The following FBP2 variants were observed in gnomAD, a reference collection of about 807,000 sequenced individuals.
FBP2 encodes the protein fructose-1,6-bisphosphatase isozyme 2.
Under a neutral mutation model 31.6 loss-of-function variants are expected in FBP2, and 27 were observed. The ratio of observed to expected loss-of-function variants is 0.85; its 90% CI spans 0.63 to 1.18. FBP2 has a LOEUF of 1.18. Among genes scored for constraint, FBP2 ranks in the 50% most tolerant of loss-of-function variants. The pLI, the probability that FBP2 is intolerant of heterozygous loss-of-function variation, is 0.00. For synonymous variants in FBP2, 168 were observed against 179.8 expected (o/e 0.93, Z 0.53); for missense variants, 421 against 436.1 (o/e 0.97, Z 0.31).
At chr9:94,561,587 G>A (rs1042012607) in intron 6 of FBP2, among the ~76,000 whole-genome samples, 13 of 151,864 alleles carry the variant, frequency 8.6e-5, no homozygotes, top group South Asian at 4.1e-4. Context: ...GGATGGTCTC[G>A]ATCTTCTGAC....
intron 1 of FBP2, among the ~76,000 whole-genome samples, chr9:94,587,935 G>A (rs911138938): frequency 2.0e-5 from 3 of 152,096 alleles, no homozygotes; most frequent in Admixed American, 1.3e-4. Context: ...TGCAAGCTCC[G>A]CCTCCTGGGC....
In FBP2 at chr9:94,593,601, G is replaced by C. The variant is rs753736391; in HGVS notation, c.126C>G (p.Ile42Met). 6.2e-7 allele frequency: 1 copy of C among 1,614,184 alleles called. No homozygotes were observed. Among genetic ancestry groups the C allele is most frequent in the African/African-American group, 1.3e-5 (1 of 75,054 alleles). The part of the protein sequence containing the change: ...TQLLNSMLTA[I>M]KAISSAVRKA... ...TGCGCACAGCCGAGGAGATGGCTTTGATGGCCGTCAGCATTGAGTTCAGCA... is the reference window on the plus strand; with the variant it reads ...TGCGCACAGCCGAGGAGATGGCTTTCATGGCCGTCAGCATTGAGTTCAGCA... The change falls in exon 1 of 7, where the codon ATC (isoleucine) becomes ATG (methionine). Residue 42 changes from isoleucine (I) to methionine (M), a missense_variant. Ile to Met is a conservative substitution (Grantham distance 10). Coordinates refer to ENST00000375337, the MANE Select transcript of FBP2 (RefSeq NM_003837.4).
chr9:94,588,044 G>A (rs1447881745), intron 1 of FBP2, among the ~76,000 whole-genome samples: 3 of 151,888 alleles, frequency 2.0e-5, no homozygotes, highest in Admixed American at 2.0e-4. Context: ...GTAGAGACGG[G>A]GTTTCACCAT....
At position 94,590,429 on chromosome 9, in the gene FBP2, G is replaced by A. The variant is rs7866757; in HGVS notation, c.171-2960C>T. Among the ~76,000 whole-genome samples the A allele has an allele frequency of 7.6e-3, 1,057 of 139,556 alleles. 12 individuals are homozygous for A. Among genetic ancestry groups the A allele is most frequent in the African/African-American group, 0.028 (1,005 of 36,470 alleles). The allele number at this position is 139,556 out of a possible 152,430, so 91.6% of individuals were successfully genotyped here. A position where few individuals can be genotyped will look rare whatever the true frequency, so the allele number is the denominator to read the frequency against. On this transcript the variant is annotated intron_variant, in intron 1 of 6. Coordinates refer to ENST00000375337, the MANE Select transcript of FBP2 (RefSeq NM_003837.4). ...CTTGCTAGAAAGATCTCCCCAAAAG[G>A]AGCCAGGGGCTTGCGGTCCCCTGCC... is the stretch of plus-strand genomic sequence containing the variant.
intron 1 of FBP2, among the ~76,000 whole-genome samples, chr9:94,589,102 G>A (rs1412405174): frequency 1.3e-5 from 2 of 152,044 alleles, no homozygotes; most frequent in African/African-American, 2.4e-5. Flanking sequence ...TCTAGGTCCT[G>A]TTTATTGTCT....
Position 94,563,470 on chromosome 9 carries a change from C to T in FBP2, c.706-9G>A, listed in dbSNP as rs749106976. ...TAGGGAGCACTGCCATCCTAGAAGACAGAAAGCGAAGAGACAAGATCCAGT... is the reference window on the plus strand; with the variant it reads ...TAGGGAGCACTGCCATCCTAGAAGATAGAAAGCGAAGAGACAAGATCCAGT... On this transcript the variant is annotated splice_polypyrimidine_tract_variant and intron_variant, in intron 5 of 6. Transcript: ENST00000375337. 1 of 1,611,828 alleles carries T rather than the reference C, an allele frequency of 6.2e-7. No homozygotes were observed.
In FBP2 at chr9:94,571,485, C is replaced by G. The variant is rs775781859; in HGVS notation, c.544G>C (p.Val182Leu). Reference sequence around the variant, plus strand: ...ACCGGGTCAAGCATGAAGAGGTCCACGCCTTGCCCTGTGGAGAGAGCCACC... The same window carrying G: ...ACCGGGTCAAGCATGAAGAGGTCCAGGCCTTGCCCTGTGGAGAGAGCCACC... ...TLVALSTGQG[V>L]DLFMLDPALG... The change falls in exon 4 of 7, where the codon GTG (valine) becomes CTG (leucine). Residue 182 changes from valine (V) to leucine (L), a missense_variant. Coordinates refer to ENST00000375337, the MANE Select transcript of FBP2 (RefSeq NM_003837.4). 25 of 1,613,102 alleles carry G rather than the reference C, an allele frequency of 1.5e-5. No homozygotes were observed. The highest frequency in any genetic ancestry group is 2.1e-5 in the Non-Finnish European group (25 of 1,179,622).
intron 1 of FBP2, among the ~76,000 whole-genome samples, chr9:94,592,419 T>C (rs1191884759): frequency 6.6e-6 from 1 of 152,228 alleles, no homozygotes; most frequent in Non-Finnish European, 1.5e-5. Context: ...GATTGGACTT[T>C]GTTAGCTCCT....
At chr9:94,590,723 C>T (rs1276859309) in intron 1 of FBP2, among the ~76,000 whole-genome samples, 1 of 152,172 alleles carries the variant, frequency 6.6e-6, no homozygotes. Flanking sequence ...GGAAAGAGAC[C>T]CAAACGGGTT....
intron 1 of FBP2, 61 bp from the exon 2 acceptor site, chr9:94,587,530 C>T (rs542639730): frequency 1.9e-4 from 293 of 1,526,472 alleles, no homozygotes; most frequent in Middle Eastern, 8.5e-4. Flanking sequence ...AGCAAAGAGC[C>T]TGGGACCCTA....
In FBP2 at chr9:94,591,094, G is replaced by A. The variant is rs1022744832; in HGVS notation, c.170+2463C>T. The stretch of plus-strand genomic sequence containing the variant: ...CAGCTGGCTTCACCTAGTGGATCCC[G>A]CACCGGGGCTGCAGGTGGAGCTGCC... On this transcript the variant is annotated intron_variant, in intron 1 of 6. Coordinates refer to ENST00000375337, the MANE Select transcript of FBP2 (RefSeq NM_003837.4). Among the ~76,000 whole-genome samples the A allele has an allele frequency of 1.1e-4, 17 of 152,096 alleles. No individual in the cohort carries two copies. In the East Asian group the frequency reaches 1.6e-3, roughly 14 times the overall value.
chr9:94,559,434 A>G (rs1827060872), intron 6 of FBP2, among the ~76,000 whole-genome samples: 1 of 152,132 alleles, frequency 6.6e-6, no homozygotes, highest in African/African-American at 2.4e-5. Flanking sequence ...TATGAGATCT[A>G]GGCATCTATT....
intron 4 of FBP2, 107 bp from the exon 5 acceptor site, chr9:94,567,514 C>G: frequency 7.2e-7 from 1 of 1,386,002 alleles, no homozygotes. Context: ...GCTGGCAGAG[C>G]TGGGGCTTGG....
At chr9:94,581,991 T>C (rs984501889) in intron 3 of FBP2, among the ~76,000 whole-genome samples, 4 of 152,236 alleles carry the variant, frequency 2.6e-5, no homozygotes, top group South Asian at 4.1e-4. Context: ...CCATAGGTTT[T>C]TCTTTTTCTC....
chr9:94,558,988 C>A lies in FBP2; in HGVS notation c.970G>T (p.Asp324Tyr), dbSNP rs762077734. 11 of 1,614,006 alleles carry A rather than the reference C, an allele frequency of 6.8e-6. No individual in the cohort carries two copies. In the African/African-American group the frequency reaches 1.3e-4, roughly 20 times the overall value. ...RVPLILGSPE[D>Y]VQEYLTCVQK... is the part of the protein sequence containing the mutation. ...ACACAGGTGAGATATTCCTGCACAT[C>A]CTCTGGTGACCCCAGAATGAGGGGG... Residue 324 changes from aspartate to tyrosine, a missense_variant, in exon 7 of 7, where the codon GAT becomes TAT. Transcript: ENST00000375337.
intron 6 of FBP2, among the ~76,000 whole-genome samples, chr9:94,561,732 G>A (rs890406653): frequency 2.0e-5 from 3 of 152,150 alleles, no homozygotes; most frequent in Admixed American, 2.0e-4. Flanking sequence ...CAGGATAGGA[G>A]TGTGCACATG....
chr9:94,559,250 G>C (rs1024215822), intron 6 of FBP2, 118 bp from the exon 7 acceptor site: 1 of 789,164 alleles, frequency 1.3e-6, no homozygotes, highest in East Asian at 2.7e-5. Flanking sequence ...TAGCATGAGC[G>C]CACCATGCAC....
chr9:94,563,201 A>G, intron 6 of FBP2, 141 bp downstream of exon 6: 1 of 913,956 alleles, frequency 1.1e-6, no homozygotes. Flanking sequence ...CTCAAGGGAA[A>G]CAGAGTTCAT....
chr9:94,588,539 T>G (rs796590698), intron 1 of FBP2, among the ~76,000 whole-genome samples: 1 of 152,254 alleles, frequency 6.6e-6, no homozygotes, highest in African/African-American at 2.4e-5. Context: ...GAAAGGATCA[T>G]CTAAGCCTGG....
Sources: gnomAD v4.1 joint callset for allele counts (sites outside exome capture counted in the v4.1 genomes callset) on GRCh38, gnomAD v4.1.1 for gene constraint, MANE v1.5 for transcripts, NCBI Gene and HGNC (gene_info 2026-07-23, HGNC 2026-07-21) for gene names.